ADGRB1: variants seen among roughly 807,000 people sequenced by gnomAD.
ADGRB1 encodes the protein brain-specific angiogenesis inhibitor 1.
In ADGRB1, 36 loss-of-function variants were observed where a neutral mutation model predicts 175.7. That is an observed-to-expected ratio of 0.20 (90% CI 0.16 to 0.27). The LOEUF (loss-of-function observed/expected upper bound fraction) is 0.27, where lower values mean the gene tolerates loss of function less well. Among genes scored for constraint, ADGRB1 ranks in the 10% least tolerant of loss-of-function variants. ADGRB1 has a pLI of 1.00. For missense variants in ADGRB1, 1,731 were observed against 2,255.3 expected, an observed-to-expected ratio of 0.77 and a Z score of 4.71; for synonymous variants, 1,054 against 979.4, an observed-to-expected ratio of 1.08 and a Z score of -1.42.
intron 17 of ADGRB1, among the ~76,000 whole-genome samples, chr8:142,497,925 C>T (rs75467703): frequency 6.6e-6 from 1 of 152,286 alleles, no homozygotes; most frequent in African/African-American, 2.4e-5. Context: ...GCCTGAACTT[C>T]GAGTGGGCTA....
intron 16 of ADGRB1, among the ~76,000 whole-genome samples, chr8:142,490,323 T>G (rs1000340308): frequency 3.3e-5 from 5 of 152,206 alleles, no homozygotes; most frequent in Admixed American, 2.6e-4. Context: ...ATCTTGGCAG[T>G]GCTAGTGTGT....
rs761171502 is a variant in ADGRB1 at position 142,474,648 on chromosome 8, AC to A, written c.785-820del. ...CCAAAGTGTTTTTGGCAGCACGAGG[AC>A]CCCCCGGGAGCAGAGACTCCTGGGG... On this transcript the variant is annotated intron_variant, in intron 2 of 30. Coordinates refer to ENST00000517894, the MANE Select transcript of ADGRB1 (RefSeq NM_001702.3). This position sits in a 1 kb window ranked among gnomAD's most constrained non-coding sequence, Gnocchi z 5.8. Among the ~76,000 whole-genome samples the A allele has an allele frequency of 6.6e-6, 1 of 151,488 alleles. No individual in the cohort carries two copies. The highest frequency in any genetic ancestry group is 2.1e-4 in the South Asian group (1 of 4,780).
chr8:142,544,015 C>T (rs1845446157), intron 30 of ADGRB1, among the ~76,000 whole-genome samples: 1 of 152,064 alleles, frequency 6.6e-6, no homozygotes, highest in African/African-American at 2.4e-5. Context: ...CAACCTCTGC[C>T]AAGGCTGGGG....
intron 17 of ADGRB1, among the ~76,000 whole-genome samples, chr8:142,496,565 T>C (rs569655633): frequency 1.2e-4 from 18 of 152,354 alleles, no homozygotes; most frequent in African/African-American, 3.8e-4. Context: ...CTGGGTGTTT[T>C]ACACGTAAGA....
rs1367908872 is a variant in ADGRB1 at position 142,504,211 on chromosome 8, C to T, written c.2676-6721C>T. ...TGCCCTGGAGAGCCTCACAGACTGG[C>T]AGCCAGACAGGGGCTGGGCATGGAG... is the stretch of plus-strand genomic sequence containing the variant. On this transcript the variant is annotated intron_variant, in intron 17 of 30. Coordinates refer to ENST00000517894, the MANE Select transcript of ADGRB1 (RefSeq NM_001702.3). This position sits in a 1 kb window ranked among gnomAD's most constrained non-coding sequence, Gnocchi z 5.6. 6.6e-6 allele frequency among the ~76,000 whole-genome samples: 1 copy of T among 152,196 alleles called. No homozygotes were observed. The highest frequency in any genetic ancestry group is 1.5e-5 in the Non-Finnish European group (1 of 68,030).
chr8:142,515,684 T>C (rs1843375458), intron 18 of ADGRB1, among the ~76,000 whole-genome samples: 1 of 150,758 alleles, frequency 6.6e-6, no homozygotes, highest in South Asian at 2.1e-4. Context: ...GGACCTCAGC[T>C]CTGCGCTGGT....
intron 24 of ADGRB1, among the ~76,000 whole-genome samples, chr8:142,529,080 C>T (rs1446870240): frequency 6.6e-6 from 1 of 152,250 alleles, no homozygotes; most frequent in East Asian, 1.9e-4. Flanking sequence ...GGGGTCTGCA[C>T]CCATGACACC....
chr8:142,524,996 C>T (rs1402707720), intron 23 of ADGRB1, among the ~76,000 whole-genome samples: 1 of 152,094 alleles, frequency 6.6e-6, no homozygotes, highest in African/African-American at 2.4e-5. Flanking sequence ...CACATCCCCT[C>T]CCCTCTCGCC....
In ADGRB1 at chr8:142,474,425, C is replaced by G. The variant is rs577969686; in HGVS notation, c.785-1049C>G. Reference sequence around the variant, plus strand: ...GGGCTGCATGCCCTTTCCAAGTCGCCCGACCCTGCTGCACAGGGTGTACAT... The same window carrying G: ...GGGCTGCATGCCCTTTCCAAGTCGCGCGACCCTGCTGCACAGGGTGTACAT... On this transcript the variant is annotated intron_variant, in intron 2 of 30. Coordinates refer to ENST00000517894, the MANE Select transcript of ADGRB1 (RefSeq NM_001702.3). The surrounding 1 kb of genome is among the most constrained non-coding windows in gnomAD (Gnocchi z 5.8). Among the ~76,000 whole-genome samples the G allele has an allele frequency of 6.6e-6, 1 of 152,284 alleles. No homozygotes were observed. Among genetic ancestry groups the G allele is most frequent in the South Asian group, 2.1e-4 (1 of 4,828 alleles).
At chr8:142,541,663 TG>T (rs1845278944) in intron 27 of ADGRB1, among the ~76,000 whole-genome samples, 2 of 152,262 alleles carry the variant, frequency 1.3e-5, no homozygotes, top group East Asian at 1.9e-4. Flanking sequence ...GGGCAGTGTG[TG>T]GGTGACAGCC....
At position 142,510,154 on chromosome 8, in the gene ADGRB1, T is replaced by G. The variant is rs1843006623; in HGVS notation, c.2676-778T>G. Among the ~76,000 whole-genome samples the G allele has an allele frequency of 1.3e-5, 2 of 151,910 alleles. No homozygotes were observed. The highest frequency in any genetic ancestry group is 4.8e-5 in the African/African-American group (2 of 41,328). On this transcript the variant is annotated intron_variant, in intron 17 of 30. Transcript: ENST00000517894. This position sits in a 1 kb window ranked among gnomAD's most constrained non-coding sequence, Gnocchi z 6.3. ...GGGGTGGAGAGGAGGAGGAGGGGTTTGCAGAGCAGGTCAGTCCCTGGTGCA... is the reference window on the plus strand; with the variant it reads ...GGGGTGGAGAGGAGGAGGAGGGGTTGGCAGAGCAGGTCAGTCCCTGGTGCA...
intron 22 of ADGRB1, 148 bp from the exon 23 acceptor site, chr8:142,524,090 G>A (rs1456107286): frequency 1.2e-6 from 1 of 816,312 alleles, no homozygotes; most frequent in African/African-American, 1.7e-5. Flanking sequence ...AAGAGTGGGT[G>A]TGACCTGCCC....
chr8:142,476,490 TG>T, intron 3 of ADGRB1, 94 bp from the exon 4 acceptor site: 1 of 1,124,316 alleles, frequency 8.9e-7, no homozygotes, highest in Non-Finnish European at 1.3e-6. Flanking sequence ...TGGAGCCAGG[TG>T]GCCCAGTGCT....
chr8:142,463,366 T>A (rs185266402), intron 1 of ADGRB1, among the ~76,000 whole-genome samples: 18 of 152,312 alleles, frequency 1.2e-4, no homozygotes, highest in African/African-American at 4.3e-4. Context: ...CAGTCATTGC[T>A]ATTGAGGCTC....
rs2132035514 is a variant in ADGRB1, at chr8:142,510,470, C to A, written c.2676-462C>A. 6.6e-6 allele frequency among the ~76,000 whole-genome samples: 1 copy of A among 151,704 alleles called. No homozygotes were observed. The highest frequency in any genetic ancestry group is 2.4e-5 in the African/African-American group (1 of 41,438). On this transcript the variant is annotated intron_variant, in intron 17 of 30. Transcript: ENST00000517894. This position sits in a 1 kb window ranked among gnomAD's most constrained non-coding sequence, Gnocchi z 6.3. ...AGCGGACCCTCGCCGCGCTCCGAAC[C>A]CGCCCCGCGCCCCCAGGCCACACCC... is the stretch of plus-strand genomic sequence containing the variant.
At chr8:142,460,737 C>T (rs772855608) in intron 1 of ADGRB1, among the ~76,000 whole-genome samples, 1 of 152,208 alleles carries the variant, frequency 6.6e-6, no homozygotes, top group Non-Finnish European at 1.5e-5. Context: ...CCTCCTCCCT[C>T]CTCCCTCTCC....
intron 27 of ADGRB1, among the ~76,000 whole-genome samples, chr8:142,541,441 A>T (rs1223768333): frequency 6.6e-6 from 1 of 152,134 alleles, no homozygotes; most frequent in African/African-American, 2.4e-5. Context: ...CGATGCAGGA[A>T]GGGCCGTGAC....
Position 142,479,302 on chromosome 8 carries a change from G to C in ADGRB1, c.1562-21G>C, listed in dbSNP as rs189448155. On this transcript the variant is annotated intron_variant, in intron 7 of 30. Transcript: ENST00000517894. ...CTGCCCTTCTTGTCGCCTGTGCCCT[G>C]TGTCTGGCCACGCCCCGCAGTGGAT... 216 of 1,473,750 alleles carry C rather than the reference G, an allele frequency of 1.5e-4. No homozygotes were observed. In the African/African-American group the frequency reaches 2.9e-3, roughly 20 times the overall value. 91.3% of individuals were successfully genotyped at this position (1,473,750 alleles called of 1,614,324 possible). A position where few individuals can be genotyped will look rare whatever the true frequency, so the allele number is the denominator to read the frequency against.
At chr8:142,450,255 G>C (rs1448176359) in intron 1 of ADGRB1, among the ~76,000 whole-genome samples, 151 bp downstream of exon 1, 1 of 152,092 alleles carries the variant, frequency 6.6e-6, no homozygotes, top group East Asian at 1.9e-4. Flanking sequence ...GAGCTCAGGA[G>C]TTTGGACCCC....
Sources: gnomAD v4.1 joint callset for allele counts (sites outside exome capture counted in the v4.1 genomes callset) on GRCh38, gnomAD v4.1.1 for gene constraint, Gnocchi (gnomAD v3.1) non-coding constraint, MANE v1.5 for transcripts, NCBI Gene and HGNC (gene_info 2026-07-23, HGNC 2026-07-21) for gene names.